The following MARCHF7 variants were observed in gnomAD, a reference collection of about 807,000 sequenced individuals.
The protein encoded by MARCHF7 is E3 ubiquitin-protein ligase MARCHF7.
A neutral mutation model predicts 76.5 loss-of-function variants in MARCHF7; 20 were observed. That is an observed-to-expected ratio of 0.26 (90% confidence interval 0.18 to 0.38). The LOEUF is 0.38. Among genes scored for constraint, MARCHF7 ranks in the 10% least tolerant of loss-of-function variants. The probability of loss-of-function intolerance (pLI) is 1.00; values close to 1 mark genes in which losing one functional copy is unlikely to be tolerated. For missense variants in MARCHF7, 797 were observed against 812.9 expected, an observed-to-expected ratio of 0.98 and a Z score of 0.24; for synonymous variants, 295 against 293.0, an observed-to-expected ratio of 1.01 and a Z score of -0.07.
chr2:159,745,377 C>T (rs114671259), intron 5 of MARCHF7, among the ~76,000 whole-genome samples: 9,505 of 152,114 alleles, frequency 0.062, 382 homozygotes, highest in Non-Finnish European at 0.09. Flanking sequence ...ACAGTAAGGC[C>T]GGGTGCGGTG....
chr2:159,715,828 TAAA>T (rs949172632), intron 3 of MARCHF7, 62 bp downstream of exon 3: 1 of 152,216 alleles, frequency 6.6e-6, no homozygotes, highest in Non-Finnish European at 1.5e-5. Context: ...GTCAACAGCT[TAAA>T]AAGAAGGCAA....
At chr2:159,736,092 A>G (rs971502985) in intron 4 of MARCHF7, among the ~76,000 whole-genome samples, 1 of 152,234 alleles carries the variant, frequency 6.6e-6, no homozygotes, top group Non-Finnish European at 1.5e-5. Flanking sequence ...GCACCACTTC[A>G]CTACTGCTTG....
At chr2:159,755,165 A>C (rs1706139398) in intron 8 of MARCHF7, among the ~76,000 whole-genome samples, 1 of 152,172 alleles carries the variant, frequency 6.6e-6, no homozygotes, top group African/African-American at 2.4e-5. Context: ...AAAGAGGTAG[A>C]GTATCTTTGG....
At chr2:159,734,508 GA>G (rs1251863886) in intron 4 of MARCHF7, among the ~76,000 whole-genome samples, 2 of 152,082 alleles carry the variant, frequency 1.3e-5, no homozygotes, top group Non-Finnish European at 2.9e-5. Context: ...ATAGGATAAG[GA>G]AATATACAGA....
intron 11 of MARCHF7, among the ~76,000 whole-genome samples, chr2:159,766,671 C>T (rs910440439): frequency 1.3e-5 from 2 of 152,132 alleles, no homozygotes; most frequent in African/African-American, 4.8e-5. Flanking sequence ...TGGTAAGTTT[C>T]TGGCAGTGTG....
At chr2:159,741,336 G>C (rs145577432) in intron 4 of MARCHF7, among the ~76,000 whole-genome samples, 1 of 152,166 alleles carries the variant, frequency 6.6e-6, no homozygotes, top group Admixed American at 6.5e-5. Context: ...GGGCAACAGA[G>C]TGAGATGCTG....
intron 8 of MARCHF7, among the ~76,000 whole-genome samples, chr2:159,753,338 G>A (rs367683436): frequency 5.3e-5 from 8 of 151,970 alleles, no homozygotes; most frequent in East Asian, 1.9e-4. Flanking sequence ...TTGGGAGGCC[G>A]AGACGGGCGG....
intron 7 of MARCHF7, among the ~76,000 whole-genome samples, chr2:159,751,563 A>C (rs1705649982): frequency 6.6e-6 from 1 of 152,186 alleles, no homozygotes; most frequent in East Asian, 1.9e-4. Context: ...CTCTTTTCAC[A>C]AATCTTTTGC....
At chr2:159,757,219 A>G (rs1224820400) in intron 8 of MARCHF7, among the ~76,000 whole-genome samples, 1 of 152,098 alleles carries the variant, frequency 6.6e-6, no homozygotes, top group Non-Finnish European at 1.5e-5. Flanking sequence ...TTATAAGGTT[A>G]TAATAAGTGC....
At chr2:159,722,386 G>A (rs557591187) in intron 3 of MARCHF7, among the ~76,000 whole-genome samples, 2 of 152,186 alleles carry the variant, frequency 1.3e-5, no homozygotes, top group African/African-American at 4.8e-5. Flanking sequence ...GATCCACCTC[G>A]GCCTCCCAAA....
intron 3 of MARCHF7, among the ~76,000 whole-genome samples, chr2:159,720,985 T>C (rs1487678726): frequency 6.6e-6 from 1 of 152,066 alleles, no homozygotes; most frequent in East Asian, 1.9e-4. Flanking sequence ...AGTCTCCGGA[T>C]TAGCTGAGAT....
chr2:159,729,953 T>G (rs1702586559), intron 4 of MARCHF7, among the ~76,000 whole-genome samples: 1 of 152,264 alleles, frequency 6.6e-6, no homozygotes, highest in East Asian at 1.9e-4. Context: ...GTTATCTTTT[T>G]ATGAAAGTGC....
chr2:159,754,086 C>T (rs1156512828), intron 8 of MARCHF7, among the ~76,000 whole-genome samples: 1 of 152,156 alleles, frequency 6.6e-6, no homozygotes, highest in African/African-American at 2.4e-5. Flanking sequence ...CCTGGCATTT[C>T]AGGAGATACA....
At position 159,734,497 on chromosome 2, in the gene MARCHF7, A is replaced by T. The variant is rs149840395; in HGVS notation, c.153+5322A>T. On this transcript the variant is annotated intron_variant, in intron 4 of 11. Transcript: ENST00000409175. ...AAACAAGAAAATGAAAACAGTTTAA[A>T]ATAGGATAAGGAAATATACAGATAG... Among the ~76,000 whole-genome samples the T allele has an allele frequency of 9.6e-3, 1,466 of 152,298 alleles. 12 individuals are homozygous for T. The highest frequency in any genetic ancestry group is 0.015 in the Non-Finnish European group (1,053 of 68,022).
At chr2:159,761,406 C>CTTTTTTTTTT (rs747902045) in intron 9 of MARCHF7, among the ~76,000 whole-genome samples, 1,715 of 73,776 alleles carry the variant, frequency 0.023, 224 homozygotes, top group Admixed American at 0.032. Flanking sequence ...TGAATCATTT[C>CTTTTTTTTTT]TTTTTTTTTT....
chr2:159,752,362 TGA>T (rs1392969550), intron 7 of MARCHF7, 38 bp from the exon 8 acceptor site: 2 of 1,495,060 alleles, frequency 1.3e-6, no homozygotes, highest in Non-Finnish European at 1.8e-6. Context: ...CCAACCAGGA[TGA>T]GTTATGATAG....
chr2:159,718,925 A>T (rs1328725433), intron 3 of MARCHF7, among the ~76,000 whole-genome samples: 1 of 152,174 alleles, frequency 6.6e-6, no homozygotes, highest in Non-Finnish European at 1.5e-5. Context: ...ATATACCGTC[A>T]GCCACACTGC....
At chr2:159,725,535 A>AT (rs146496079) in intron 3 of MARCHF7, among the ~76,000 whole-genome samples, 5,777 of 151,824 alleles carry the variant, frequency 0.038, 342 homozygotes, top group African/African-American at 0.13. Flanking sequence ...GGGTTGTTTG[A>AT]TTTTTTCTTA....
chr2:159,728,947 A>G (rs1394785893), intron 3 of MARCHF7, 62 bp from the exon 4 acceptor site: 2 of 979,110 alleles, frequency 2.0e-6, no homozygotes, highest in African/African-American at 1.7e-5. Flanking sequence ...ATTAAGGAGG[A>G]TTAAGCATTA....
Sources: allele counts gnomAD v4.1 joint callset (sites outside exome capture counted in the v4.1 genomes callset), GRCh38; gene constraint gnomAD v4.1.1; transcripts MANE v1.5; gene names NCBI Gene and HGNC (gene_info 2026-07-23, HGNC 2026-07-21).